HERC6: variants seen among roughly 807,000 people sequenced by gnomAD.
HERC6 encodes HECT and RLD domain containing E3 ubiquitin protein ligase family member 6.
In HERC6, 101 loss-of-function variants were observed where a neutral mutation model predicts 114.5. The observed-to-expected ratio is 0.88, with a 90% CI of 0.75 to 1.04. The LOEUF is 1.04. Among genes scored for constraint, HERC6 ranks in the 50% least tolerant of loss-of-function variants. The pLI, the probability that HERC6 is intolerant of heterozygous loss-of-function variation, is 0.00. For missense variants in HERC6, 1,133 were observed against 1,230.9 expected (o/e 0.92, Z 1.19); for synonymous variants, 408 against 436.2 (o/e 0.94, Z 0.81).
At chr4:88,385,696 A>G (rs1734537655) in intron 3 of HERC6, 121 bp downstream of exon 3, 1 of 596,610 alleles carries the variant, frequency 1.7e-6, no homozygotes, top group East Asian at 3.1e-5. Context: ...CAGGTTTCAT[A>G]AGATATATTG....
intron 22 of HERC6, among the ~76,000 whole-genome samples, chr4:88,441,194 G>A (rs1045144702): frequency 2.0e-5 from 3 of 152,058 alleles, no homozygotes; most frequent in Admixed American, 1.3e-4. Context: ...TATGATGTTC[G>A]AATGATGCCA....
intron 5 of HERC6, 89 bp downstream of exon 5, chr4:88,393,671 A>G: frequency 1.4e-6 from 1 of 713,508 alleles, no homozygotes. Flanking sequence ...AGACAGAGAC[A>G]TTAGCCCATT....
chr4:88,405,801 T>G (rs1578387240), intron 10 of HERC6, among the ~76,000 whole-genome samples, 188 bp downstream of exon 10: 1 of 152,230 alleles, frequency 6.6e-6, no homozygotes, highest in African/African-American at 2.4e-5. Flanking sequence ...CCATAAGTTA[T>G]AATTCCTAAT....
At chr4:88,386,268 C>T (rs1044453497) in intron 3 of HERC6, among the ~76,000 whole-genome samples, 7 of 149,532 alleles carry the variant, frequency 4.7e-5, no homozygotes, top group East Asian at 2.0e-4. Context: ...TGTGGTGGCA[C>T]GATCTCAGCT....
Position 88,383,383 on chromosome 4 carries a change from A to G in HERC6, c.359+3A>G, listed in dbSNP as rs747608321. On this transcript the variant is annotated splice_donor_region_variant and intron_variant, in intron 2 of 22. Coordinates refer to ENST00000264346, the MANE Select transcript of HERC6 (RefSeq NM_017912.4). ...AAGGAAATAAGTTTCACACCTAAGTAAGTGTTTCAACCCACTCCTTCATTT... is the reference window on the plus strand; with the variant it reads ...AAGGAAATAAGTTTCACACCTAAGTGAGTGTTTCAACCCACTCCTTCATTT... 3.5e-5 allele frequency: 52 copies of G among 1,484,908 alleles called. No individual in the cohort carries two copies. The highest frequency in any genetic ancestry group is 4.5e-5 in the Non-Finnish European group (50 of 1,118,876). 92.0% of individuals were successfully genotyped at this position (1,484,908 alleles called of 1,614,324 possible).
rs1450267371 is a variant in HERC6 at position 88,380,314 on chromosome 4, AT to A, written c.199+1195del. On this transcript the variant is annotated intron_variant, in intron 1 of 22. Transcript: ENST00000264346. The stretch of plus-strand genomic sequence containing the variant: ...TAATATATAAATATATATATAATAT[AT>A]AAATATATATATAATATATAAATAT... Among the ~76,000 whole-genome samples the A allele has an allele frequency of 6.5e-4, 21 of 32,196 alleles. 1 individual carries two copies. In the East Asian group the frequency reaches 0.014, roughly 22 times the overall value. 21.1% of individuals were successfully genotyped at this position (32,196 alleles called of 152,430 possible).
In HERC6 at chr4:88,396,853, A is replaced by G. The variant is rs760047964; in HGVS notation, c.890A>G (p.Tyr297Cys). 3.2e-6 allele frequency: 5 copies of G among 1,569,412 alleles called. No homozygotes were observed. In the Admixed American group the frequency reaches 7.3e-5, roughly 23 times the overall value. The change falls in exon 7 of 23, where the codon TAT (tyrosine) becomes TGT (cysteine). Residue 297 changes from tyrosine (Y) to cysteine (C), a missense_variant and splice_region_variant. Physicochemically the swap from Tyr to Cys is radical, Grantham distance 194. Around this residue, in one of 3 missense-constraint regions of HERC6, gnomAD observed 735 missense variants for 754.0 expected, o/e 0.97. Transcript: ENST00000264346. ...GLVSQIDCGS[Y>C]HTLAYVHTTG... ...ATGGTGTATTCTCTTTCCTGTAGTTATCACACCCTGGCATATGTGCACACC... is the reference window on the plus strand; with the variant it reads ...ATGGTGTATTCTCTTTCCTGTAGTTGTCACACCCTGGCATATGTGCACACC...
chr4:88,434,970 TTAAA>T (rs760708334), intron 17 of HERC6, among the ~76,000 whole-genome samples: 2 of 152,272 alleles, frequency 1.3e-5, no homozygotes, highest in Admixed American at 1.3e-4. Context: ...ATTTTCACAA[TTAAA>T]TAAATAAATA....
chr4:88,390,036 G>A (rs1040306743), intron 3 of HERC6, among the ~76,000 whole-genome samples: 14 of 151,802 alleles, frequency 9.2e-5, no homozygotes, highest in East Asian at 7.8e-4. Flanking sequence ...AAAATTAGCC[G>A]GGCGTGGTGG....
intron 1 of HERC6, among the ~76,000 whole-genome samples, 186 bp downstream of exon 1, chr4:88,379,306 T>G (rs995363542): frequency 6.6e-6 from 1 of 152,040 alleles, no homozygotes; most frequent in African/African-American, 2.4e-5. Context: ...GCTGGGAGCC[T>G]TGGATTCCTC....
In HERC6 at chr4:88,428,950, T is replaced by A. The variant is rs143830981; in HGVS notation, c.2106+200T>A. On this transcript the variant is annotated intron_variant, in intron 16 of 22. Coordinates refer to ENST00000264346, the MANE Select transcript of HERC6 (RefSeq NM_017912.4). ...AGTGGGCTATGAGTTAACTATTAGT[T>A]ACTGATGACTACAAAAATGCTGCAT... Among the ~76,000 whole-genome samples, 491 of 152,368 alleles carry A rather than the reference T, an allele frequency of 3.2e-3. 2 individuals are homozygous for A. Among genetic ancestry groups the A allele is most frequent in the African/African-American group, 0.011 (468 of 41,588 alleles).
intron 11 of HERC6, among the ~76,000 whole-genome samples, chr4:88,412,299 G>A (rs76373749): frequency 7.2e-4 from 109 of 152,152 alleles, no homozygotes; most frequent in South Asian, 2.3e-3. Context: ...TTTTATATAC[G>A]TCCTATTTTA....
chr4:88,385,579 A>G lies in HERC6; in HGVS notation c.436+4A>G, dbSNP rs1371673236. 5.5e-6 allele frequency: 8 copies of G among 1,466,466 alleles called. No homozygotes were observed. Among genetic ancestry groups the G allele is most frequent in the Non-Finnish European group, 7.3e-6 (8 of 1,094,848 alleles). 90.8% of individuals were successfully genotyped at this position (1,466,466 alleles called of 1,614,324 possible). On this transcript the variant is annotated splice_donor_region_variant and intron_variant, in intron 3 of 22. Coordinates refer to ENST00000264346, the MANE Select transcript of HERC6 (RefSeq NM_017912.4). Reference sequence around the variant, plus strand: ...CACTCCCTGGCATTATCAAAAGGTAAGAAACACTTTTTGGATCTGAGTGTG... The same window carrying G: ...CACTCCCTGGCATTATCAAAAGGTAGGAAACACTTTTTGGATCTGAGTGTG...
chr4:88,437,281 T>G (rs1738860556), intron 19 of HERC6, among the ~76,000 whole-genome samples: 1 of 152,102 alleles, frequency 6.6e-6, no homozygotes, highest in Non-Finnish European at 1.5e-5. Flanking sequence ...GGTCTCTAAC[T>G]CCTGGCCTCA....
At chr4:88,430,569 C>CAAATAAATAAATAAATAAATAAATAAAT (rs375978104) in intron 16 of HERC6, among the ~76,000 whole-genome samples, 2 of 141,238 alleles carry the variant, frequency 1.4e-5, no homozygotes, top group African/African-American at 5.5e-5. Context: ...GACTCCATCT[C>CAAATAAATAAATAAATAAATAAATAAAT]AAATAAATAA....
intron 5 of HERC6, among the ~76,000 whole-genome samples, 152 bp downstream of exon 5, chr4:88,393,734 T>C (rs1735046363): frequency 6.6e-6 from 1 of 152,168 alleles, no homozygotes; most frequent in Non-Finnish European, 1.5e-5. Flanking sequence ...ACAATAGAGA[T>C]CTATTTCCCA....
At chr4:88,415,099 C>A (rs1011791901) in intron 12 of HERC6, among the ~76,000 whole-genome samples, 4 of 152,178 alleles carry the variant, frequency 2.6e-5, no homozygotes, top group Non-Finnish European at 5.9e-5. Flanking sequence ...CCAGAAGTGG[C>A]TACAGGTTCT....
rs182053936 is a variant in HERC6, at chr4:88,418,785, G to A, written c.1713+1206G>A. Reference sequence around the variant, plus strand: ...CCTGTTGCCCAGGCTGGAGTGCAGTGGTGTGATCTTGGCTCACTGCAACCT... The same window carrying A: ...CCTGTTGCCCAGGCTGGAGTGCAGTAGTGTGATCTTGGCTCACTGCAACCT... On this transcript the variant is annotated intron_variant, in intron 13 of 22. Coordinates refer to ENST00000264346, the MANE Select transcript of HERC6 (RefSeq NM_017912.4). 1.3e-3 allele frequency among the ~76,000 whole-genome samples: 195 copies of A among 152,220 alleles called. 2 individuals are homozygous for A. Among genetic ancestry groups the A allele is most frequent in the African/African-American group, 4.6e-3 (191 of 41,518 alleles).
intron 13 of HERC6, 134 bp from the exon 14 acceptor site, chr4:88,423,726 C>G (rs1369894171): frequency 2.4e-5 from 10 of 424,294 alleles, no homozygotes; most frequent in Non-Finnish European, 4.3e-5. Context: ...TCTATTTCAT[C>G]ACTGACAAAT....
Sources: gnomAD v4.1 joint callset for allele counts (sites outside exome capture counted in the v4.1 genomes callset) on GRCh38, gnomAD v4.1.1 for gene constraint, gnomAD v4.1.1 regional missense constraint, MANE v1.5 for transcripts, NCBI Gene and HGNC (gene_info 2026-07-23, HGNC 2026-07-21) for gene names.